DAB2IP: variants seen among roughly 807,000 people sequenced by gnomAD.
The protein encoded by DAB2IP is disabled homolog 2-interacting protein.
DAB2IP carries 28 observed loss-of-function variants against 107.2 expected under a neutral mutation model. That is an observed-to-expected ratio of 0.26 (90% CI 0.19 to 0.36). The LOEUF is 0.36. Ranked by LOEUF, DAB2IP falls within the 10% of genes least tolerant of loss-of-function variation. The pLI, the probability that DAB2IP is intolerant of heterozygous loss-of-function variation, is 1.00. For synonymous variants in DAB2IP, 755 were observed against 706.4 expected (o/e 1.07, Z -1.09); for missense variants, 1,400 against 1,644.7 (o/e 0.85, Z 2.57).
chr9:121,708,432 G>A (rs1218051399), intron 3 of DAB2IP, among the ~76,000 whole-genome samples: 1 of 152,196 alleles, frequency 6.6e-6, no homozygotes, highest in Non-Finnish European at 1.5e-5. Flanking sequence ...TTCTGTGCTT[G>A]CACTAGGCTC....
upstream of DAB2IP, among the ~76,000 whole-genome samples, chr9:121,647,905 G>A (rs1053772034): frequency 6.0e-5 from 9 of 150,686 alleles, no homozygotes; most frequent in African/African-American, 2.2e-4. Context: ...ATATATGATG[G>A]AATACTACTC....
Position 121,772,614 on chromosome 9 carries a change from G to T in DAB2IP, c.2086G>T (p.Asp696Tyr). Residue 696 changes from aspartate (D) to tyrosine (Y), a missense_variant, in exon 12 of 16, where the codon GAT becomes TAT. Asp to Tyr is a radical substitution (Grantham distance 160). Around this residue, in one of 3 missense-constraint regions of DAB2IP, gnomAD observed 517 missense variants for 748.6 expected, o/e 0.69. Coordinates refer to ENST00000408936, the Ensembl canonical transcript of DAB2IP. The surrounding 1 kb of genome is among the most constrained non-coding windows in gnomAD (Gnocchi z 4.7). Reference sequence around the variant, plus strand: ...GTGCTTGTCTCCCTGCAGTCTGATAGATTTCACCCGGTTACCGTCTCCAAC... The same window carrying T: ...GTGCTTGTCTCCCTGCAGTCTGATATATTTCACCCGGTTACCGTCTCCAAC... 1 of 1,612,616 alleles carries T rather than the reference G, an allele frequency of 6.2e-7. No homozygotes were observed. Among genetic ancestry groups the T allele is most frequent in the Non-Finnish European group, 8.5e-7 (1 of 1,179,104 alleles).
chr9:121,658,673 GA>G (rs1346749998), intron 1 of DAB2IP, among the ~76,000 whole-genome samples: 2 of 151,888 alleles, frequency 1.3e-5, no homozygotes, highest in Admixed American at 6.6e-5. Context: ...ATAATAACGA[GA>G]AAAAAAAGTA....
At chr9:121,687,328 A>G (rs1316395413) in intron 2 of DAB2IP, among the ~76,000 whole-genome samples, 1 of 152,166 alleles carries the variant, frequency 6.6e-6, no homozygotes. Flanking sequence ...ACTGGATGGA[A>G]CAAGGTCTGG....
In DAB2IP at chr9:121,760,409, G is replaced by A. The variant is rs1397018013; in HGVS notation, c.1140G>A (p.Val380=). 2 of 1,606,412 alleles carry A rather than the reference G, an allele frequency of 1.2e-6. No individual in the cohort carries two copies. Among genetic ancestry groups the A allele is most frequent in the Admixed American group, 1.7e-5 (1 of 59,944 alleles). ...AGGAGGAGATGGCATCTGCCCTGGT[G>A]CACATCCTGCAGAGCACGGGCAAGG... Residue 380 remains valine (V), a synonymous_variant, in exon 6 of 16, where the codon GTG becomes GTA. Coordinates refer to ENST00000408936, the Ensembl canonical transcript of DAB2IP. This position sits in a 1 kb window ranked among gnomAD's most constrained non-coding sequence, Gnocchi z 5.9.
At chr9:121,783,626 C>T (rs901357988) in exon 16 of DAB2IP, 2 of 1,558,322 alleles carry the variant, frequency 1.3e-6, no homozygotes, top group Admixed American at 1.7e-5. Flanking sequence ...AAATAGCGGC[C>T]CTGGAGGATG....
chr9:121,602,136 T>C (rs1830704269), intron 1 of DAB2IP, among the ~76,000 whole-genome samples: 1 of 152,180 alleles, frequency 6.6e-6, no homozygotes, highest in East Asian at 1.9e-4. Context: ...GAATATAGTT[T>C]TCAACAGATC....
chr9:121,740,604 A>G (rs930278301), intron 3 of DAB2IP, among the ~76,000 whole-genome samples: 1 of 152,106 alleles, frequency 6.6e-6, no homozygotes, highest in African/African-American at 2.4e-5. Flanking sequence ...CTCACCCCCA[A>G]CAACCCTGCC....
intron 1 of DAB2IP, among the ~76,000 whole-genome samples, chr9:121,676,664 C>T (rs965832868): frequency 2.0e-5 from 3 of 148,482 alleles, no homozygotes; most frequent in African/African-American, 7.9e-5. Flanking sequence ...CACACACACA[C>T]GCACACACAC....
rs144236714 is a variant in DAB2IP at position 121,774,084 on chromosome 9, G to A, written c.2968-176G>A. On this transcript the variant is annotated intron_variant, in intron 12 of 15. Transcript: ENST00000408936. ...CCTGTCAGCTCTGCCTTTGGCTGCC[G>A]TCTGAGAGACAGTTCCCGGGTGGGG... 3.1e-3 allele frequency among the ~76,000 whole-genome samples: 477 copies of A among 152,288 alleles called. 3 individuals carry two copies. Among genetic ancestry groups the A allele is most frequent in the Non-Finnish European group, 5.2e-3 (353 of 68,012 alleles).
chr9:121,694,445 TG>T (rs1396017003), intron 2 of DAB2IP, among the ~76,000 whole-genome samples: 1 of 152,196 alleles, frequency 6.6e-6, no homozygotes, highest in Non-Finnish European at 1.5e-5. Flanking sequence ...GCTTGATTGC[TG>T]GTAATATATC....
Position 121,633,709 on chromosome 9 carries a change from G to GCCTGGATGTGCCTCATT in DAB2IP, c.41-44967_41-44951dup, listed in dbSNP as rs1488923642. 6.6e-6 allele frequency among the ~76,000 whole-genome samples: 1 copy of GCCTGGATGTGCCTCATT among 152,178 alleles called. No individual in the cohort carries two copies. Among genetic ancestry groups the GCCTGGATGTGCCTCATT allele is most frequent in the Non-Finnish European group, 1.5e-5 (1 of 68,036 alleles). On this transcript the variant is annotated intron_variant, in intron 1 of 16. Coordinates refer to the DAB2IP transcript ENST00000259371. This position sits in a 1 kb window ranked among gnomAD's most constrained non-coding sequence, Gnocchi z 5.1. ...CCCCAGGGTTTGGCCACAGGAGCTG[G>GCCTGGATGTGCCTCATT]CCTGGATGTGCCTCATTCTGGACCG...
chr9:121,626,517 G>A lies in DAB2IP; in HGVS notation c.41-52161G>A, dbSNP rs535485318. Among the ~76,000 whole-genome samples, 155 of 150,144 alleles carry A rather than the reference G, an allele frequency of 1.0e-3. 1 individual carries two copies. The highest frequency in any genetic ancestry group is 1.7e-3 in the Non-Finnish European group (114 of 67,814). ...TGGCTCACTGCAACCTCCACCTCCC[G>A]GGTTCAAGTGATTCTCTTGCCTCAG... On this transcript the variant is annotated intron_variant, in intron 1 of 16. Coordinates refer to the DAB2IP transcript ENST00000259371.
chr9:121,711,190 C>G (rs1242132013), intron 3 of DAB2IP, among the ~76,000 whole-genome samples: 1 of 152,178 alleles, frequency 6.6e-6, no homozygotes, highest in African/African-American at 2.4e-5. Context: ...GAGTGTTTTC[C>G]CGAACTGGGT....
chr9:121,598,470 G>A (rs1374696179), intron 1 of DAB2IP: 1 of 152,250 alleles, frequency 6.6e-6, no homozygotes, highest in African/African-American at 2.4e-5. Context: ...GGCCCCACAG[G>A]TGCCGCGGAG....
intron 1 of DAB2IP, among the ~76,000 whole-genome samples, chr9:121,664,962 G>A (rs899463134): frequency 3.9e-5 from 6 of 152,140 alleles, no homozygotes; most frequent in African/African-American, 1.4e-4. Flanking sequence ...CTGTTCTAGA[G>A]GCTAAAAATT....
intron 1 of DAB2IP, among the ~76,000 whole-genome samples, chr9:121,569,371 G>A (rs906868139): frequency 1.3e-5 from 2 of 152,246 alleles, no homozygotes; most frequent in African/African-American, 4.8e-5. Context: ...AAGGCGTGTG[G>A]AAGCCCTAAC....
chr9:121,764,010 C>T, intron 8 of DAB2IP, 131 bp downstream of exon 8: 1 of 1,284,596 alleles, frequency 7.8e-7, no homozygotes, highest in South Asian at 1.5e-5. Context: ...CTGGCCTAGT[C>T]CCTTTTGAGC....
rs900862408 is a variant in DAB2IP, at chr9:121,684,492, C to T, written c.228+5711C>T. ...CTGGGAGGAATGGGTGTTCTTTGGT[C>T]CAACTGCCCTCGGAGCCCCACGACA... On this transcript the variant is annotated intron_variant, in intron 2 of 15. Transcript: ENST00000408936. The surrounding 1 kb of genome is among the most constrained non-coding windows in gnomAD (Gnocchi z 4.0). 1.3e-5 allele frequency among the ~76,000 whole-genome samples: 2 copies of T among 152,190 alleles called. No homozygotes were observed. Among genetic ancestry groups the T allele is most frequent in the Admixed American group, 6.5e-5 (1 of 15,284 alleles).
Sources: allele counts gnomAD v4.1 joint callset (sites outside exome capture counted in the v4.1 genomes callset), GRCh38; gene constraint gnomAD v4.1.1; regional missense constraint gnomAD v4.1.1; non-coding constraint Gnocchi (gnomAD v3.1); transcripts MANE v1.5; gene names NCBI Gene and HGNC (gene_info 2026-07-23, HGNC 2026-07-21).